Variants in ASTN2 observed in about 807,000 individuals in gnomAD.
The protein encoded by ASTN2 is astrotactin-2.
A neutral mutation model predicts 139.8 loss-of-function variants in ASTN2; 54 were observed. That is an observed-to-expected ratio of 0.39 (90% CI 0.31 to 0.48). The LOEUF (loss-of-function observed/expected upper bound fraction) is 0.48. Ranked by LOEUF, ASTN2 falls within the 20% of genes least tolerant of loss-of-function variation. ASTN2 has a pLI of 0.95. For missense variants in ASTN2, 1,565 were observed against 1,725.1 expected (o/e 0.91, Z 1.64); for synonymous variants, 756 against 719.5 (o/e 1.05, Z -0.81).
intron 10 of ASTN2, among the ~76,000 whole-genome samples, chr9:116,923,618 A>T (rs1219607696): frequency 1.3e-5 from 2 of 152,178 alleles, no homozygotes; most frequent in Non-Finnish European, 2.9e-5. Context: ...CTCAGCTTTT[A>T]CCCCTGGAGA....
intron 20 of ASTN2, among the ~76,000 whole-genome samples, chr9:116,456,303 G>A (rs372976609): frequency 2.0e-5 from 3 of 152,016 alleles, no homozygotes; most frequent in African/African-American, 7.2e-5. Context: ...AACTGAAGAA[G>A]TGAAATATTT....
At chr9:116,705,606 TAA>T (rs1827969664) in intron 16 of ASTN2, among the ~76,000 whole-genome samples, 1 of 152,196 alleles carries the variant, frequency 6.6e-6, no homozygotes, top group Non-Finnish European at 1.5e-5. Flanking sequence ...TAAACATATA[TAA>T]GACATCTACC....
intron 22 of ASTN2, among the ~76,000 whole-genome samples, chr9:116,427,947 T>C (rs1847361542): frequency 1.3e-5 from 2 of 152,258 alleles, no homozygotes; most frequent in African/African-American, 2.4e-5. Context: ...TCTCTAAATC[T>C]GTTTCTTCAT....
At chr9:117,167,178 C>A (rs1277596486) in intron 3 of ASTN2, among the ~76,000 whole-genome samples, 1 of 152,086 alleles carries the variant, frequency 6.6e-6, no homozygotes, top group Non-Finnish European at 1.5e-5. Flanking sequence ...AACACACGAT[C>A]TATATTGATT....
intron 10 of ASTN2, among the ~76,000 whole-genome samples, chr9:116,873,440 G>A (rs1833215361): frequency 6.6e-6 from 1 of 152,204 alleles, no homozygotes; most frequent in Admixed American, 6.5e-5. Context: ...TGCATACTGA[G>A]GAGGCATGGC....
intron 10 of ASTN2, among the ~76,000 whole-genome samples, chr9:116,903,644 A>G (rs142914018): frequency 1.4e-3 from 214 of 152,302 alleles, no homozygotes; most frequent in African/African-American, 4.9e-3. Flanking sequence ...GATATGAGAC[A>G]TACTCTCTCT....
intron 10 of ASTN2, among the ~76,000 whole-genome samples, chr9:116,865,922 C>T (rs559155476): frequency 1.3e-5 from 2 of 152,246 alleles, no homozygotes; most frequent in East Asian, 3.9e-4. Flanking sequence ...TTACCATATA[C>T]CAGGCACAAT....
At chr9:116,654,167 A>C (rs557474009) in intron 16 of ASTN2, among the ~76,000 whole-genome samples, 1 of 152,340 alleles carries the variant, frequency 6.6e-6, no homozygotes, top group South Asian at 2.1e-4. Context: ...TAGGTCAACA[A>C]ACTATGGCCC....
intron 16 of ASTN2, among the ~76,000 whole-genome samples, chr9:116,671,438 G>C (rs1251904103): frequency 1.3e-5 from 2 of 151,950 alleles, no homozygotes; most frequent in African/African-American, 4.8e-5. Flanking sequence ...TCAGCAAAAA[G>C]TAGAACTAAG....
intron 19 of ASTN2, among the ~76,000 whole-genome samples, chr9:116,554,967 G>C (rs890194822): frequency 6.6e-6 from 1 of 152,178 alleles, no homozygotes; most frequent in African/African-American, 2.4e-5. Context: ...CTTTCGAGGA[G>C]GGAAACTGTG....
intron 10 of ASTN2, among the ~76,000 whole-genome samples, chr9:116,873,288 G>A (rs1286126011): frequency 6.6e-6 from 1 of 152,192 alleles, no homozygotes; most frequent in African/African-American, 2.4e-5. Flanking sequence ...TGCTTTATAA[G>A]GATTTCTTGA....
chr9:117,099,230 C>A (rs969394926), intron 4 of ASTN2, among the ~76,000 whole-genome samples: 1 of 152,162 alleles, frequency 6.6e-6, no homozygotes, highest in Non-Finnish European at 1.5e-5. Context: ...CTGCCATACT[C>A]TCTGCTATGT....
intron 16 of ASTN2, among the ~76,000 whole-genome samples, chr9:116,652,178 T>C (rs803910): frequency 0.11 from 17,348 of 151,592 alleles, 1,056 homozygotes; most frequent in East Asian, 0.15. Context: ...ACAAAAAAAT[T>C]AGCCAAGCGT....
chr9:117,168,981 A>G (rs565892507), intron 3 of ASTN2, among the ~76,000 whole-genome samples: 2 of 152,104 alleles, frequency 1.3e-5, no homozygotes, highest in Non-Finnish European at 2.9e-5. Flanking sequence ...GACAATACAC[A>G]TCTCCTCTGA....
chr9:116,490,762 C>A (rs965768356), intron 19 of ASTN2, among the ~76,000 whole-genome samples: 5 of 152,092 alleles, frequency 3.3e-5, no homozygotes, highest in Non-Finnish European at 7.3e-5. Context: ...GGGGTAACCA[C>A]CCCCATAATC....
chr9:116,550,303 C>T (rs1852285269), intron 19 of ASTN2, among the ~76,000 whole-genome samples: 1 of 152,184 alleles, frequency 6.6e-6, no homozygotes, highest in Admixed American at 6.5e-5. Flanking sequence ...TGCTTCAAAG[C>T]ACAGTATCTT....
At chr9:117,263,786 G>C (rs902489998) in intron 2 of ASTN2, among the ~76,000 whole-genome samples, 44 of 152,106 alleles carry the variant, frequency 2.9e-4, no homozygotes, top group Non-Finnish European at 6.5e-4. Context: ...TTTTCTTAAA[G>C]ATAACACTAC....
At chr9:117,217,802 A>G (rs1033527004) in intron 2 of ASTN2, among the ~76,000 whole-genome samples, 8 of 152,352 alleles carry the variant, frequency 5.3e-5, no homozygotes, top group African/African-American at 1.4e-4. Flanking sequence ...TGTTGAACGA[A>G]TAAAGGAATG....
chr9:116,775,713 AGAAG>A (rs369347031), intron 13 of ASTN2, among the ~76,000 whole-genome samples: 2,516 of 122,258 alleles, frequency 0.021, 77 homozygotes, highest in East Asian at 0.071. Flanking sequence ...AAGGAAGGAA[AGAAG>A]GAAGGAAGGA....
Sources: gnomAD v4.1 joint callset for allele counts (sites outside exome capture counted in the v4.1 genomes callset) on GRCh38, gnomAD v4.1.1 for gene constraint, MANE v1.5 for transcripts, NCBI Gene and HGNC (gene_info 2026-07-23, HGNC 2026-07-21) for gene names.